Variants in CPED1 observed in about 807,000 individuals in gnomAD.
The protein encoded by CPED1 is cadherin-like and PC-esterase domain-containing protein 1.
In CPED1, 114 loss-of-function variants were observed where a neutral mutation model predicts 128.2. The observed-to-expected ratio is 0.89, with a 90% CI of 0.76 to 1.04. The LOEUF is 1.04. Ranked by LOEUF, CPED1 falls within the 50% of genes least tolerant of loss-of-function variation. The pLI is 0.00. For missense variants in CPED1, 1,211 were observed against 1,207.1 expected (o/e 1.00, Z -0.05); for synonymous variants, 462 against 426.7 (o/e 1.08, Z -1.02).
chr7:121,259,528 CA>C (rs1279124644), intron 18 of CPED1, among the ~76,000 whole-genome samples: 1 of 151,776 alleles, frequency 6.6e-6, no homozygotes, highest in Non-Finnish European at 1.5e-5. Context: ...TGAAAAAAAG[CA>C]AGCTATGTAT....
At chr7:121,117,100 A>ATATATATAAAT (rs1450957943) in intron 7 of CPED1, among the ~76,000 whole-genome samples, 28 of 70,642 alleles carry the variant, frequency 4.0e-4, no homozygotes, top group Non-Finnish European at 6.5e-4. Flanking sequence ...TATATATATA[A>ATATATATAAAT]ATATATATAT....
intron 16 of CPED1, among the ~76,000 whole-genome samples, chr7:121,231,825 G>A (rs954275050): frequency 2.6e-5 from 4 of 152,104 alleles, no homozygotes; most frequent in Non-Finnish European, 5.9e-5. Context: ...TTTGAGAAAA[G>A]GAATTAGAAT....
chr7:121,117,939 A>G (rs577008855), intron 7 of CPED1, among the ~76,000 whole-genome samples: 91 of 149,658 alleles, frequency 6.1e-4, no homozygotes, highest in African/African-American at 2.2e-3. Context: ...AAAAAAAAAG[A>G]GAAAATTTAA....
intron 16 of CPED1, among the ~76,000 whole-genome samples, chr7:121,172,383 T>G (rs898449587): frequency 8.8e-6 from 1 of 114,276 alleles, no homozygotes; most frequent in African/African-American, 4.5e-5. Flanking sequence ...AATACTCTTG[T>G]TTTTTTTTTT....
At chr7:121,206,590 T>C (rs1797522412) in intron 16 of CPED1, among the ~76,000 whole-genome samples, 1 of 151,966 alleles carries the variant, frequency 6.6e-6, no homozygotes, top group Non-Finnish European at 1.5e-5. Context: ...TTGGTATATA[T>C]CTATCTAGCC....
chr7:121,266,187 AC>A (rs1562856300), intron 18 of CPED1, 39 bp from the exon 19 acceptor site: 1 of 1,474,080 alleles, frequency 6.8e-7, no homozygotes, highest in Non-Finnish European at 9.5e-7. Flanking sequence ...TACCATGTAA[AC>A]ATAAGCTTTT....
chr7:120,989,671 C>A lies in CPED1; in HGVS notation c.50C>A (p.Pro17His). 4.3e-6 allele frequency: 7 copies of A among 1,613,994 alleles called. No individual in the cohort carries two copies. The highest frequency in any genetic ancestry group is 5.9e-6 in the Non-Finnish European group (7 of 1,180,012). Reference protein sequence around the residue: ...FPCRRRFCPRPFLVGLVVAIC... With the variant: ...FPCRRRFCPRHFLVGLVVAIC... The stretch of plus-strand genomic sequence containing the variant: ...TGTCGTCGGCGATTTTGCCCCCGAC[C>A]CTTCTTGGTGGGCTTAGTGGTGGCA... Residue 17 changes from proline to histidine, a missense_variant, in exon 2 of 23, where the codon CCC (proline) becomes CAC (histidine). Physicochemically the swap from Pro to His is moderately conservative, Grantham distance 77 (BLOSUM62 -2). Transcript: ENST00000310396.
At chr7:121,178,387 G>A (rs768070471) in intron 16 of CPED1, among the ~76,000 whole-genome samples, 8 of 151,980 alleles carry the variant, frequency 5.3e-5, no homozygotes, top group Non-Finnish European at 8.8e-5. Context: ...ATACACATGC[G>A]TATTTTTGTT....
At chr7:121,261,507 T>C in intron 18 of CPED1, 1 of 1,374,476 alleles carries the variant, frequency 7.3e-7, no homozygotes, top group Non-Finnish European at 1.0e-6. Context: ...TCTCAGTGTC[T>C]CCTGACATTA....
chr7:121,025,057 A>G (rs1792541700), intron 3 of CPED1, among the ~76,000 whole-genome samples: 2 of 151,914 alleles, frequency 1.3e-5, no homozygotes, highest in African/African-American at 2.4e-5. Flanking sequence ...TTTACTTTCT[A>G]CTCTCAATAT....
At chr7:121,085,661 A>G (rs2061217277) in intron 5 of CPED1, among the ~76,000 whole-genome samples, 2 of 152,166 alleles carry the variant, frequency 1.3e-5, no homozygotes, top group Admixed American at 6.5e-5. Flanking sequence ...AACCTCATGC[A>G]TAGTTCTGCC....
intron 16 of CPED1, among the ~76,000 whole-genome samples, chr7:121,160,452 C>A (rs1303236414): frequency 6.6e-6 from 1 of 152,156 alleles, no homozygotes; most frequent in East Asian, 1.9e-4. Context: ...TATGTCCCCC[C>A]AACCTGCTCC....
At chr7:121,201,346 T>G (rs781216967) in intron 16 of CPED1, among the ~76,000 whole-genome samples, 9 of 151,922 alleles carry the variant, frequency 5.9e-5, no homozygotes, top group Non-Finnish European at 1.2e-4. Context: ...GTAGGAGAAT[T>G]GCTTGGACCT....
intron 16 of CPED1, among the ~76,000 whole-genome samples, chr7:121,235,165 A>G (rs544546525): frequency 4.3e-4 from 65 of 152,244 alleles, no homozygotes; most frequent in African/African-American, 1.5e-3. Flanking sequence ...GTCTCCACTA[A>G]AAATAAATGG....
At chr7:121,293,887 T>A (rs1248420644) in intron 22 of CPED1, among the ~76,000 whole-genome samples, 1 of 152,032 alleles carries the variant, frequency 6.6e-6, no homozygotes, top group African/African-American at 2.4e-5. Context: ...CAGTTGGAAA[T>A]GCAGAAATCA....
At chr7:121,115,880 G>A (rs1584522186) in intron 7 of CPED1, among the ~76,000 whole-genome samples, 1 of 152,274 alleles carries the variant, frequency 6.6e-6, no homozygotes, top group East Asian at 1.9e-4. Context: ...AGAGTTCAAT[G>A]ATAAAATCTT....
intron 2 of CPED1, among the ~76,000 whole-genome samples, chr7:120,990,121 A>T (rs1045648924): frequency 1.3e-5 from 2 of 152,208 alleles, no homozygotes; most frequent in Non-Finnish European, 2.9e-5. Context: ...TGAAGTAGAC[A>T]GTTTGGAGGA....
chr7:121,252,746 A>T (rs150816246), intron 18 of CPED1, among the ~76,000 whole-genome samples: 1 of 152,172 alleles, frequency 6.6e-6, no homozygotes, highest in African/African-American at 2.4e-5. Context: ...GAGAAATGCA[A>T]ATCAAAACCA....
intron 5 of CPED1, among the ~76,000 whole-genome samples, chr7:121,078,510 A>G (rs944018830): frequency 8.1e-4 from 123 of 151,410 alleles, no homozygotes; most frequent in African/African-American, 2.4e-3. Context: ...AAAAAAAAAA[A>G]AAAAAAAAAA....
Sources: allele counts gnomAD v4.1 joint callset (sites outside exome capture counted in the v4.1 genomes callset), GRCh38; gene constraint gnomAD v4.1.1; transcripts MANE v1.5; gene names NCBI Gene and HGNC (gene_info 2026-07-23, HGNC 2026-07-21).